The following RCOR1 variants were observed in gnomAD, a reference collection of about 807,000 sequenced individuals.
RCOR1 encodes the protein REST corepressor.
RCOR1 carries 12 observed loss-of-function variants against 64.0 expected under a neutral mutation model. The ratio of observed to expected loss-of-function variants is 0.19; its 90% CI spans 0.12 to 0.30. The LOEUF (loss-of-function observed/expected upper bound fraction) is 0.30. Ranked by LOEUF, RCOR1 falls within the 10% of genes least tolerant of loss-of-function variation. The pLI is 1.00. For missense variants in RCOR1, 502 were observed against 621.2 expected (o/e 0.81, Z 2.04); for synonymous variants, 279 against 227.2 (o/e 1.23, Z -2.05).
chr14:102,632,214 T>C (rs1894127488), intron 2 of RCOR1, among the ~76,000 whole-genome samples: 1 of 111,148 alleles, frequency 9.0e-6, no homozygotes, highest in South Asian at 3.4e-4. Context: ...ATTTCGTTTG[T>C]TGGGTTTTTT....
intron 6 of RCOR1, among the ~76,000 whole-genome samples, chr14:102,709,472 T>C (rs1204399265): frequency 6.6e-6 from 1 of 152,218 alleles, no homozygotes; most frequent in Non-Finnish European, 1.5e-5. Flanking sequence ...GGATGAAATA[T>C]ATGGTCCCCG....
At chr14:102,698,616 T>C (rs1480125790) in intron 3 of RCOR1, among the ~76,000 whole-genome samples, 1 of 152,218 alleles carries the variant, frequency 6.6e-6, no homozygotes, top group East Asian at 1.9e-4. Flanking sequence ...ACCCTCAATT[T>C]ACCGCAGATT....
At chr14:102,618,537 A>G (rs539001776) in intron 2 of RCOR1, among the ~76,000 whole-genome samples, 1 of 152,192 alleles carries the variant, frequency 6.6e-6, no homozygotes, top group Admixed American at 6.5e-5. Flanking sequence ...GAGCCCAGGA[A>G]TTTGAGGCTG....
chr14:102,596,061 A>T (rs550504496), intron 2 of RCOR1, among the ~76,000 whole-genome samples: 4 of 152,064 alleles, frequency 2.6e-5, no homozygotes, highest in African/African-American at 9.6e-5. Flanking sequence ...TTAAAAGCTT[A>T]AGGGGAAGGA....
Position 102,615,082 on chromosome 14 carries a change from T to C in RCOR1, c.361+21757T>C, listed in dbSNP as rs573712906. Among the ~76,000 whole-genome samples, 157 of 151,626 alleles carry C rather than the reference T, an allele frequency of 1.0e-3. 1 individual carries two copies. The South Asian group carries it at 0.011, about 11-fold the overall frequency. On this transcript the variant is annotated intron_variant, in intron 2 of 11. Coordinates refer to ENST00000262241, the MANE Select transcript of RCOR1 (RefSeq NM_015156.4). ...TCTTGACCTCGTGATGTGCCCGCCT[T>C]GGCCTCCCAAAGTGCTGGGATTACA... is the stretch of plus-strand genomic sequence containing the variant.
intron 2 of RCOR1, among the ~76,000 whole-genome samples, chr14:102,628,188 G>A (rs1312224226): frequency 6.6e-6 from 1 of 152,096 alleles, no homozygotes; most frequent in Non-Finnish European, 1.5e-5. Context: ...GCTTTCTGTG[G>A]GTTGTATGAG....
intron 2 of RCOR1, chr14:102,662,766 C>T: frequency 3.6e-6 from 1 of 278,634 alleles, no homozygotes; most frequent in South Asian, 4.1e-5. Context: ...ATGATTGTAC[C>T]AGATTATAAG....
chr14:102,659,985 G>T (rs1441401350), intron 2 of RCOR1, among the ~76,000 whole-genome samples: 1 of 152,180 alleles, frequency 6.6e-6, no homozygotes, highest in African/African-American at 2.4e-5. Context: ...CTGGTGAGTC[G>T]CATGCTCATG....
intron 11 of RCOR1, among the ~76,000 whole-genome samples, chr14:102,725,214 T>G (rs545608443): frequency 6.6e-6 from 1 of 152,356 alleles, no homozygotes; most frequent in African/African-American, 2.4e-5. Flanking sequence ...AATCTCCTCC[T>G]GTATCTAAGA....
intron 3 of RCOR1, among the ~76,000 whole-genome samples, chr14:102,682,790 T>C (rs2139961716): frequency 6.6e-6 from 1 of 152,364 alleles, no homozygotes; most frequent in Non-Finnish European, 1.5e-5. Flanking sequence ...CCTGTATCAT[T>C]CAGTGTTCAC....
At chr14:102,665,941 A>G (rs1316749826) in intron 2 of RCOR1, among the ~76,000 whole-genome samples, 7 of 152,184 alleles carry the variant, frequency 4.6e-5, no homozygotes, top group Admixed American at 4.6e-4. Context: ...TTACAAAGCC[A>G]TTGTTTTCTC....
rs80322445 is a variant in RCOR1 at position 102,640,798 on chromosome 14, G to T, written c.362-41097G>T. ...CAACATAGTGAAACCCCGTCTTACAGAAAATTAAAAAATTAGCTGGCTGTC... is the reference window on the plus strand; with the variant it reads ...CAACATAGTGAAACCCCGTCTTACATAAAATTAAAAAATTAGCTGGCTGTC... On this transcript the variant is annotated intron_variant, in intron 2 of 11. Coordinates refer to ENST00000262241, the MANE Select transcript of RCOR1 (RefSeq NM_015156.4). 4.1e-3 allele frequency among the ~76,000 whole-genome samples: 616 copies of T among 152,092 alleles called. 6 individuals are homozygous for T. The highest frequency in any genetic ancestry group is 0.014 in the African/African-American group (587 of 41,502).
chr14:102,609,962 A>T (rs1035918167), intron 2 of RCOR1, among the ~76,000 whole-genome samples: 5 of 152,188 alleles, frequency 3.3e-5, no homozygotes, highest in African/African-American at 1.2e-4. Context: ...ACATGACAAC[A>T]TGGTGAAACC....
At chr14:102,640,249 G>T (rs996000868) in intron 2 of RCOR1, among the ~76,000 whole-genome samples, 1 of 152,222 alleles carries the variant, frequency 6.6e-6, no homozygotes, top group Non-Finnish European at 1.5e-5. Flanking sequence ...CTAAAGTGCT[G>T]GGAGCCGCTG....
At chr14:102,675,170 A>C (rs1187894150) in intron 2 of RCOR1, among the ~76,000 whole-genome samples, 1 of 151,522 alleles carries the variant, frequency 6.6e-6, no homozygotes, top group East Asian at 1.9e-4. Flanking sequence ...CATTGTATTT[A>C]TATTTTTTGA....
At position 102,714,605 on chromosome 14, in the gene RCOR1, A is replaced by T; in HGVS notation, c.1041A>T (p.Ser347=). 6.2e-7 allele frequency: 1 copy of T among 1,608,268 alleles called. No individual in the cohort carries two copies. Among genetic ancestry groups the T allele is most frequent in the South Asian group, 1.1e-5 (1 of 90,610 alleles). ...VLRQLDMELV[S]VKRQIQNIKQ... ...GACAACTAGACATGGAATTGGTTTC[A>T]GTCAAACGACAGGTACTCATAAGCC... The change falls in exon 8 of 12, where the codon TCA becomes TCT. Residue 347 remains serine (S), a synonymous_variant. Transcript: ENST00000262241.
At chr14:102,718,914 A>G (rs2139993264) in intron 8 of RCOR1, among the ~76,000 whole-genome samples, 1 of 152,092 alleles carries the variant, frequency 6.6e-6, no homozygotes, top group South Asian at 2.1e-4. Context: ...TCAGCCCCCT[A>G]AGTAGGTAGG....
At chr14:102,613,885 CTTTT>C (rs71119719) in intron 2 of RCOR1, among the ~76,000 whole-genome samples, 1 of 55,498 alleles carries the variant, frequency 1.8e-5, no homozygotes, top group African/African-American at 6.6e-5. Flanking sequence ...ATTAACTATT[CTTTT>C]TTTTTTTTTT....
chr14:102,657,165 G>A lies in RCOR1; in HGVS notation c.362-24730G>A, dbSNP rs929763244. On this transcript the variant is annotated intron_variant, in intron 2 of 11. Transcript: ENST00000262241. ...CCCAAAACACATAGGGTAGAAACTC[G>A]TGAAAAATATTTTTGAGGATATCTT... 8.1e-6 allele frequency: 8 copies of A among 984,076 alleles called. 1 individual carries two copies. Among genetic ancestry groups the A allele is most frequent in the South Asian group, 9.4e-5 (2 of 21,258 alleles). The allele number at this position is 984,076 out of a possible 1,614,324, so 61.0% of individuals were successfully genotyped here. A position where few individuals can be genotyped will look rare whatever the true frequency, so the allele number is the denominator to read the frequency against.
Sources: gnomAD v4.1 joint callset for allele counts (sites outside exome capture counted in the v4.1 genomes callset) on GRCh38, gnomAD v4.1.1 for gene constraint, MANE v1.5 for transcripts, NCBI Gene and HGNC (gene_info 2026-07-23, HGNC 2026-07-21) for gene names.